ADCK1: variants seen among roughly 807,000 people sequenced by gnomAD.
ADCK1 encodes the protein aarF domain containing kinase 1.
A neutral mutation model predicts 52.3 loss-of-function variants in ADCK1; 41 were observed. That is an observed-to-expected ratio of 0.78 (90% CI 0.61 to 1.02). The LOEUF (loss-of-function observed/expected upper bound fraction) is 1.02, where lower values mean the gene tolerates loss of function less well. Ranked by LOEUF, ADCK1 falls within the 50% of genes least tolerant of loss-of-function variation. The probability of loss-of-function intolerance (pLI) is 0.00; values close to 1 mark genes in which losing one functional copy is unlikely to be tolerated. For synonymous variants in ADCK1, 250 were observed against 274.6 expected (o/e 0.91, Z 0.89); for missense variants, 658 against 679.5 (o/e 0.97, Z 0.35).
chr14:77,811,091 A>G (rs2081330599), intron 1 of ADCK1, among the ~76,000 whole-genome samples: 1 of 151,818 alleles, frequency 6.6e-6, no homozygotes, highest in African/African-American at 2.4e-5. Context: ...TGTAGAGAGC[A>G]AGGAGAAAGG....
chr14:77,882,593 T>TGAGGG (rs2083052273), intron 4 of ADCK1, among the ~76,000 whole-genome samples: 1 of 152,248 alleles, frequency 6.6e-6, no homozygotes, highest in Non-Finnish European at 1.5e-5. Flanking sequence ...AGGAGCCCCT[T>TGAGGG]CCCTGAGGGC....
chr14:77,818,991 G>C lies in ADCK1; in HGVS notation c.13G>C (p.Ala5Pro). ...AGGATCTGGCGACATGGCCAGAAAG[G>C]CTCTCAAGCTTGCTTCGTGGACCAG... MARKALKLASWTSMA... is the reference protein window; with the variant it reads MARKPLKLASWTSMA... The change falls in exon 2 of 11, where the codon GCT becomes CCT. Residue 5 changes from alanine (A) to proline (P), a missense_variant. Transcript: ENST00000238561. The C allele has an allele frequency of 6.2e-7, 1 of 1,614,106 alleles. No individual in the cohort carries two copies. The highest frequency in any genetic ancestry group is 8.5e-7 in the Non-Finnish European group (1 of 1,180,008).
intron 4 of ADCK1, among the ~76,000 whole-genome samples, chr14:77,873,085 C>T (rs910809227): frequency 2.0e-5 from 3 of 152,066 alleles, no homozygotes; most frequent in African/African-American, 4.8e-5. Context: ...AGATTTAGTG[C>T]ACCCGTCGCC....
chr14:77,895,776 C>G (rs1441356491), intron 5 of ADCK1, among the ~76,000 whole-genome samples: 1 of 152,184 alleles, frequency 6.6e-6, no homozygotes, highest in Admixed American at 6.5e-5. Flanking sequence ...ACCCCCTCCC[C>G]ACCCACTGAA....
chr14:77,884,401 C>T (rs960839395), intron 4 of ADCK1, among the ~76,000 whole-genome samples: 4 of 152,146 alleles, frequency 2.6e-5, no homozygotes, highest in African/African-American at 9.7e-5. Context: ...CCCTTCCATT[C>T]CTGGGTCCCT....
At chr14:77,806,727 T>G (rs2081232164) in intron 1 of ADCK1, among the ~76,000 whole-genome samples, 1 of 152,164 alleles carries the variant, frequency 6.6e-6, no homozygotes, top group Non-Finnish European at 1.5e-5. Flanking sequence ...ATAGCCACTC[T>G]TTTTTTAGAC....
intron 3 of ADCK1, among the ~76,000 whole-genome samples, chr14:77,834,069 A>G (rs1403293181): frequency 1.3e-5 from 2 of 152,120 alleles, no homozygotes; most frequent in South Asian, 2.1e-4. Flanking sequence ...CCTGACTCCA[A>G]CTTTCTTCCT....
chr14:77,859,959 T>C (rs2082508340), intron 4 of ADCK1, among the ~76,000 whole-genome samples: 1 of 152,218 alleles, frequency 6.6e-6, no homozygotes, highest in South Asian at 2.1e-4. Context: ...CCTCAGTGCT[T>C]GTGCCGTGGT....
chr14:77,850,442 C>G (rs910052663), intron 3 of ADCK1, among the ~76,000 whole-genome samples: 2 of 152,098 alleles, frequency 1.3e-5, no homozygotes, highest in Admixed American at 6.5e-5. Flanking sequence ...TTTGCAGTTT[C>G]ATTAGTTTTT....
At chr14:77,877,122 A>G (rs2140181228) in intron 4 of ADCK1, among the ~76,000 whole-genome samples, 1 of 152,272 alleles carries the variant, frequency 6.6e-6, no homozygotes, top group South Asian at 2.1e-4. Context: ...GGCTGAGGCA[A>G]GAGAATCACT....
chr14:77,895,924 C>T (rs141699631), intron 5 of ADCK1, among the ~76,000 whole-genome samples: 27 of 152,212 alleles, frequency 1.8e-4, no homozygotes, highest in Non-Finnish European at 3.8e-4. Context: ...ATCTGAGAAC[C>T]ACTGACTTCT....
chr14:77,866,478 C>T (rs1350384485), intron 4 of ADCK1, among the ~76,000 whole-genome samples: 4 of 152,192 alleles, frequency 2.6e-5, no homozygotes, highest in Admixed American at 1.3e-4. Flanking sequence ...TTCTAGGGCT[C>T]TGTCTCCCAC....
intron 4 of ADCK1, among the ~76,000 whole-genome samples, chr14:77,866,869 C>T (rs1453619701): frequency 2.6e-5 from 4 of 152,074 alleles, no homozygotes; most frequent in African/African-American, 7.2e-5. Context: ...AGAGCAGAAG[C>T]GGGGCAGGAG....
At chr14:77,824,327 A>G (rs1246335019) in intron 3 of ADCK1, among the ~76,000 whole-genome samples, 3 of 152,156 alleles carry the variant, frequency 2.0e-5, no homozygotes, top group African/African-American at 7.2e-5. Flanking sequence ...CCAGAAGACC[A>G]TGATCATACC....
intron 1 of ADCK1, among the ~76,000 whole-genome samples, chr14:77,814,024 T>C (rs1195461806): frequency 6.6e-6 from 1 of 152,144 alleles, no homozygotes; most frequent in Non-Finnish European, 1.5e-5. Flanking sequence ...TGCCTCGGCC[T>C]CCCAAAGTGC....
intron 3 of ADCK1, among the ~76,000 whole-genome samples, chr14:77,852,502 G>A (rs578028082): frequency 2.0e-5 from 3 of 151,112 alleles, no homozygotes; most frequent in Admixed American, 2.0e-4. Context: ...TCTTCTGTCT[G>A]TATCTTTTTT....
chr14:77,903,084 G>C lies in ADCK1; in HGVS notation c.741+3826G>C, dbSNP rs546392392. ...CCCTGGCTGGGGCCAACTGGCAAGT[G>C]CCAGACCAAGACATGCAATAATAAC... On this transcript the variant is annotated intron_variant, in intron 6 of 10. Coordinates refer to ENST00000238561, the MANE Select transcript of ADCK1 (RefSeq NM_020421.4). Among the ~76,000 whole-genome samples the C allele has an allele frequency of 7.9e-5, 12 of 152,356 alleles. No homozygotes were observed. The East Asian group carries it at 2.3e-3, about 29-fold the overall frequency.
chr14:77,876,516 C>G (rs73313123), intron 4 of ADCK1, among the ~76,000 whole-genome samples: 2 of 152,280 alleles, frequency 1.3e-5, no homozygotes, highest in African/African-American at 4.8e-5. Context: ...TTGGGGGGCT[C>G]ATTTTCTGCC....
intron 5 of ADCK1, among the ~76,000 whole-genome samples, chr14:77,894,586 G>A (rs555346658): frequency 6.6e-6 from 1 of 152,198 alleles, no homozygotes; most frequent in South Asian, 2.1e-4. Context: ...TGTAAAATTG[G>A]CAAGAAAAGG....
Sources: gnomAD v4.1 joint callset for allele counts (sites outside exome capture counted in the v4.1 genomes callset) on GRCh38, gnomAD v4.1.1 for gene constraint, MANE v1.5 for transcripts, NCBI Gene and HGNC (gene_info 2026-07-23, HGNC 2026-07-21) for gene names.